The following RNLS variants were observed in gnomAD, a reference collection of about 807,000 sequenced individuals.
The protein encoded by RNLS is renalase.
A neutral mutation model predicts 39.8 loss-of-function variants in RNLS; 39 were observed. That is an observed-to-expected ratio of 0.98 (90% confidence interval 0.76 to 1.28). The LOEUF (loss-of-function observed/expected upper bound fraction) is 1.28. RNLS is among the 50% of genes most tolerant of loss of function. RNLS has a pLI of 0.00. For missense variants in RNLS, 410 were observed against 413.3 expected (o/e 0.99, Z 0.07); for synonymous variants, 147 against 150.7 (o/e 0.98, Z 0.18).
intron 4 of RNLS, among the ~76,000 whole-genome samples, chr10:88,423,888 A>G (rs1720404442): frequency 6.6e-6 from 1 of 152,178 alleles, no homozygotes; most frequent in African/African-American, 2.4e-5. Flanking sequence ...GGTCAAGAGC[A>G]CAGCTTGGTG....
chr10:88,510,249 AG>A (rs1846041799), intron 4 of RNLS, among the ~76,000 whole-genome samples: 1 of 152,124 alleles, frequency 6.6e-6, no homozygotes. Context: ...AACAGAAGAG[AG>A]GACTCCACAT....
At chr10:88,229,239 TAAAGA>T in the RNLS span, among the ~76,000 whole-genome samples, 2 of 152,202 alleles carry the variant, frequency 1.3e-5, no homozygotes, top group Non-Finnish European at 2.9e-5. Flanking sequence ...GTGCCTAAAA[TAAAGA>T]AATGTATTAT....
At chr10:88,348,470 A>G (rs1234619431) in intron 5 of RNLS, among the ~76,000 whole-genome samples, 2 of 152,180 alleles carry the variant, frequency 1.3e-5, no homozygotes, top group Non-Finnish European at 2.9e-5. Flanking sequence ...TCAGAGAGCA[A>G]GGCAGGCAGA....
chr10:88,500,002 A>G (rs891488449), intron 4 of RNLS, among the ~76,000 whole-genome samples: 51 of 152,304 alleles, frequency 3.3e-4, no homozygotes, highest in African/African-American at 1.1e-3. Flanking sequence ...GCTTGGAGAA[A>G]GAATTCTAAG....
intron 6 of RNLS, among the ~76,000 whole-genome samples, chr10:88,303,621 G>C (rs1002005030): frequency 1.3e-5 from 2 of 152,040 alleles, no homozygotes; most frequent in Admixed American, 1.3e-4. Context: ...CTTTGCCGGT[G>C]CATGTCTGTA....
intron 6 of RNLS, among the ~76,000 whole-genome samples, chr10:88,289,606 T>C (rs1229342248): frequency 6.6e-6 from 1 of 152,172 alleles, no homozygotes; most frequent in Non-Finnish European, 1.5e-5. Context: ...CCTCTCCTCC[T>C]AGACTGCAAG....
At chr10:88,557,582 T>A (rs1466725290) in intron 4 of RNLS, among the ~76,000 whole-genome samples, 5 of 152,146 alleles carry the variant, frequency 3.3e-5, no homozygotes, top group Non-Finnish European at 7.4e-5. Flanking sequence ...CTAAAGCTTA[T>A]CCAGTGAAGA....
intron 4 of RNLS, among the ~76,000 whole-genome samples, chr10:88,370,820 C>A (rs771886779): frequency 6.6e-6 from 1 of 152,152 alleles, no homozygotes; most frequent in Non-Finnish European, 1.5e-5. Context: ...TCATGAGTCA[C>A]TCCTTTCCTA....
chr10:88,228,509 C>G, the RNLS span, among the ~76,000 whole-genome samples: 1 of 152,198 alleles, frequency 6.6e-6, no homozygotes. Context: ...GTACCATTTT[C>G]CGTGTGCCTG....
At chr10:88,423,449 T>C (rs1854530112) in intron 4 of RNLS, among the ~76,000 whole-genome samples, 1 of 152,200 alleles carries the variant, frequency 6.6e-6, no homozygotes, top group East Asian at 1.9e-4. Flanking sequence ...TTAACTTTGT[T>C]AAGATTAATT....
At chr10:88,295,151 A>C (rs1843991059) in intron 6 of RNLS, among the ~76,000 whole-genome samples, 1 of 152,226 alleles carries the variant, frequency 6.6e-6, no homozygotes, top group Non-Finnish European at 1.5e-5. Flanking sequence ...ATTATTAAGA[A>C]AAGTGAGGAT....
At chr10:88,475,674 A>T (rs1843776382) in intron 4 of RNLS, among the ~76,000 whole-genome samples, 1 of 152,150 alleles carries the variant, frequency 6.6e-6, no homozygotes, top group Non-Finnish European at 1.5e-5. Context: ...ACTCTCTGTG[A>T]GGATCCAGAG....
intron 6 of RNLS, among the ~76,000 whole-genome samples, chr10:88,301,705 C>T (rs1317548667): frequency 6.6e-6 from 1 of 152,232 alleles, no homozygotes; most frequent in African/African-American, 2.4e-5. Flanking sequence ...CTATCACTTT[C>T]ATCGCACCTT....
chr10:88,294,448 T>G (rs1038055794), intron 6 of RNLS, among the ~76,000 whole-genome samples: 3 of 149,406 alleles, frequency 2.0e-5, no homozygotes, highest in African/African-American at 4.9e-5. Context: ...TGAAAACAGG[T>G]TTTTTTTTTA....
intron 4 of RNLS, among the ~76,000 whole-genome samples, chr10:88,529,026 T>C (rs1189697332): frequency 6.6e-6 from 1 of 152,160 alleles, no homozygotes; most frequent in Non-Finnish European, 1.5e-5. Context: ...TAATATCCCA[T>C]GCATCTGGAA....
At chr10:88,468,158 T>C (rs1352914570) in intron 4 of RNLS, among the ~76,000 whole-genome samples, 2 of 152,174 alleles carry the variant, frequency 1.3e-5, no homozygotes, top group South Asian at 2.1e-4. Flanking sequence ...TTTAACCTCC[T>C]TAGAGAGCAA....
At chr10:88,238,727 TG>T in the RNLS span, among the ~76,000 whole-genome samples, 1 of 152,210 alleles carries the variant, frequency 6.6e-6, no homozygotes, top group Admixed American at 6.5e-5. Flanking sequence ...TTTATGAGGC[TG>T]GGAGTAGGTT....
intron 4 of RNLS, 42 bp from the exon 5 acceptor site, chr10:88,362,767 A>G: frequency 6.3e-7 from 1 of 1,580,850 alleles, no homozygotes; most frequent in Non-Finnish European, 8.6e-7. Flanking sequence ...TAAAAATACC[A>G]TCTTTCCTTT....
At chr10:88,200,533 ATGTC>A in the RNLS span, among the ~76,000 whole-genome samples, 1 of 152,176 alleles carries the variant, frequency 6.6e-6, no homozygotes, top group Non-Finnish European at 1.5e-5. Context: ...CTTTGTATCT[ATGTC>A]TGTCTCCAAT....
Sources: allele counts gnomAD v4.1 joint callset (sites outside exome capture counted in the v4.1 genomes callset), GRCh38; gene constraint gnomAD v4.1.1; transcripts MANE v1.5; gene names NCBI Gene and HGNC (gene_info 2026-07-23, HGNC 2026-07-21).